STK3: variants seen among roughly 807,000 people sequenced by gnomAD.
The protein encoded by STK3 is serine/threonine-protein kinase 3.
In STK3, 41 loss-of-function variants were observed where a neutral mutation model predicts 58.0. The observed-to-expected ratio is 0.71, with a 90% CI of 0.55 to 0.92. The LOEUF is 0.92. STK3 is among the 40% of genes least tolerant of loss of function. The pLI is 0.00. For missense variants in STK3, 479 were observed against 602.7 expected, an observed-to-expected ratio of 0.79 and a Z score of 2.15; for synonymous variants, 170 against 191.0, an observed-to-expected ratio of 0.89 and a Z score of 0.91.
At chr8:98,693,767 G>A (rs968882817) in intron 6 of STK3, among the ~76,000 whole-genome samples, 2 of 152,232 alleles carry the variant, frequency 1.3e-5, no homozygotes, top group African/African-American at 4.8e-5. Context: ...GATGGAAGGT[G>A]TGTTAAGTGT....
intron 3 of STK3, among the ~76,000 whole-genome samples, chr8:98,870,292 G>A (rs1003066131): frequency 4.6e-5 from 7 of 152,218 alleles, no homozygotes; most frequent in Admixed American, 3.3e-4. Context: ...GAATAGTGCC[G>A]CTATAAACAT....
At chr8:98,646,565 C>A (rs1358759074) in intron 6 of STK3, among the ~76,000 whole-genome samples, 2 of 152,144 alleles carry the variant, frequency 1.3e-5, no homozygotes, top group Admixed American at 1.3e-4. Flanking sequence ...CATACACATG[C>A]AAACACACAC....
intron 3 of STK3, among the ~76,000 whole-genome samples, chr8:98,860,942 C>G (rs546129807): frequency 5.3e-5 from 8 of 152,114 alleles, no homozygotes; most frequent in Admixed American, 3.3e-4. Context: ...TGCTTGTAGT[C>G]CTGGCTACTG....
At chr8:98,583,804 T>C (rs35447893) in intron 7 of STK3, among the ~76,000 whole-genome samples, 39,217 of 151,576 alleles carry the variant, frequency 0.26, 5,677 homozygotes, top group East Asian at 0.46. Flanking sequence ...GATGAGAAAA[T>C]AAGCTCAGGA....
At chr8:98,598,586 C>CT (rs1816029864) in intron 6 of STK3, 1 of 985,276 alleles carries the variant, frequency 1.0e-6, no homozygotes, top group African/African-American at 1.7e-5. Context: ...AGAGGATCCT[C>CT]TTAAGAATCT....
the STK3 span, among the ~76,000 whole-genome samples, chr8:98,355,099 A>G: frequency 8.0e-4 from 122 of 152,302 alleles, 1 homozygote; most frequent in East Asian, 0.023. Context: ...CAGTATTTCA[A>G]TAGGAATCTT....
At chr8:98,911,583 G>A (rs536822283) in intron 1 of STK3, among the ~76,000 whole-genome samples, 46 of 152,028 alleles carry the variant, frequency 3.0e-4, no homozygotes, top group Non-Finnish European at 5.4e-4. Flanking sequence ...TAGTAGAGAC[G>A]GGGTTTCATC....
At chr8:98,835,385 G>T (rs183637423) in intron 3 of STK3, among the ~76,000 whole-genome samples, 1 of 152,164 alleles carries the variant, frequency 6.6e-6, no homozygotes, top group Non-Finnish European at 1.5e-5. Flanking sequence ...AAAGAAAAAG[G>T]TTTCCTTCCT....
At chr8:98,808,541 T>C (rs149647141) in intron 1 of STK3, among the ~76,000 whole-genome samples, 118 of 152,348 alleles carry the variant, frequency 7.7e-4, no homozygotes, top group Non-Finnish European at 1.4e-3. Context: ...CTAAAGGCTT[T>C]TTTTTATTAT....
chr8:98,412,461 A>G (rs1818067867), intron 3 of STK3, among the ~76,000 whole-genome samples: 1 of 152,192 alleles, frequency 6.6e-6, no homozygotes, highest in South Asian at 2.1e-4. Flanking sequence ...TGAATTTCTT[A>G]GGTTTCTAGT....
At chr8:98,399,151 T>A (rs1817921535), downstream of STK3, among the ~76,000 whole-genome samples, 1 of 152,206 alleles carries the variant, frequency 6.6e-6, no homozygotes, top group African/African-American at 2.4e-5. Flanking sequence ...ACTAGAGACA[T>A]ACTCCGTGAC....
At chr8:98,815,218 T>G (rs1245887933) in intron 1 of STK3, among the ~76,000 whole-genome samples, 9 of 152,210 alleles carry the variant, frequency 5.9e-5, no homozygotes, top group Admixed American at 3.9e-4. Context: ...GCCCAATTTC[T>G]GACTCAAACT....
intron 10 of STK3, among the ~76,000 whole-genome samples, chr8:98,470,713 A>G (rs1563635467): frequency 6.6e-6 from 1 of 152,178 alleles, no homozygotes; most frequent in East Asian, 1.9e-4. Flanking sequence ...TAAAGATGAC[A>G]TTTTTCCTAG....
chr8:98,481,107 G>A (rs1214395110), intron 10 of STK3, among the ~76,000 whole-genome samples: 1 of 151,652 alleles, frequency 6.6e-6, no homozygotes, highest in Non-Finnish European at 1.5e-5. Context: ...CTTTTGATAC[G>A]AAAAAAAGTC....
intron 6 of STK3, among the ~76,000 whole-genome samples, chr8:98,600,984 T>C (rs1250494787): frequency 2.0e-5 from 3 of 152,196 alleles, no homozygotes; most frequent in East Asian, 1.9e-4. Flanking sequence ...ATGTACAAGA[T>C]TGTATAAGTG....
chr8:98,548,512 T>G (rs1280861464), intron 8 of STK3, among the ~76,000 whole-genome samples: 1 of 152,120 alleles, frequency 6.6e-6, no homozygotes, highest in Non-Finnish European at 1.5e-5. Context: ...ACAGAACACA[T>G]TGACACTTTG....
At chr8:98,694,393 A>C (rs1270945558) in intron 6 of STK3, among the ~76,000 whole-genome samples, 1 of 152,104 alleles carries the variant, frequency 6.6e-6, no homozygotes, top group Non-Finnish European at 1.5e-5. Flanking sequence ...GTACATGTGC[A>C]CAATGTGCAG....
intron 3 of STK3, among the ~76,000 whole-genome samples, chr8:98,851,163 C>G (rs534419243): frequency 1.1e-4 from 16 of 152,254 alleles, no homozygotes; most frequent in Admixed American, 2.0e-4. Flanking sequence ...AGCAACACCC[C>G]CAACCATCAG....
chr8:98,712,599 AT>A (rs1462158613), intron 4 of STK3, among the ~76,000 whole-genome samples: 1 of 151,936 alleles, frequency 6.6e-6, no homozygotes, highest in Non-Finnish European at 1.5e-5. Context: ...CTAAATATAT[AT>A]GCACCCAATA....
Sources: gnomAD v4.1 joint callset for allele counts (sites outside exome capture counted in the v4.1 genomes callset) on GRCh38, gnomAD v4.1.1 for gene constraint, MANE v1.5 for transcripts, NCBI Gene and HGNC (gene_info 2026-07-23, HGNC 2026-07-21) for gene names.